ESR1: variants seen among roughly 807,000 people sequenced by gnomAD.
ESR1 encodes the protein estrogen receptor 1.
A neutral mutation model predicts 52.7 loss-of-function variants in ESR1; 12 were observed. The ratio of observed to expected loss-of-function variants is 0.23; its 90% confidence interval spans 0.15 to 0.37. ESR1 has a LOEUF of 0.37. ESR1 is among the 10% of genes least tolerant of loss of function. The probability of loss-of-function intolerance (pLI) is 1.00; values close to 1 mark genes in which losing one functional copy is unlikely to be tolerated. For missense variants in ESR1, 584 were observed against 779.7 expected, an observed-to-expected ratio of 0.75 and a Z score of 2.99; for synonymous variants, 305 against 316.8, an observed-to-expected ratio of 0.96 and a Z score of 0.39.
At chr6:151,760,785 T>G (rs757109332) in intron 2 of ESR1, among the ~76,000 whole-genome samples, 2 of 152,228 alleles carry the variant, frequency 1.3e-5, no homozygotes, top group African/African-American at 2.4e-5. Context: ...GGAGGCTATG[T>G]GTGAAGCTGC....
intron 1 of ESR1, among the ~76,000 whole-genome samples, chr6:151,818,265 A>G (rs776773596): frequency 2.0e-5 from 3 of 152,134 alleles, no homozygotes; most frequent in Non-Finnish European, 2.9e-5. Context: ...TCAAAATCTC[A>G]GAGATATGTA....
rs576503261 is a variant in ESR1 at position 151,789,541 on chromosome 6, T to C, written c.-70-18302T>C. ...GGGTGAATGATAGACGCAAATTCCT[T>C]GAAGGAATAGAAATGTGACTACTAT... On this transcript the variant is annotated intron_variant, in intron 2 of 2. Coordinates refer to the ESR1 transcript ENST00000404742. Among the ~76,000 whole-genome samples the C allele has an allele frequency of 3.3e-5, 5 of 152,264 alleles. No homozygotes were observed. The East Asian group carries it at 9.6e-4, about 29-fold the overall frequency.
intron 1 of ESR1, among the ~76,000 whole-genome samples, chr6:151,672,981 A>C (rs1778125880): frequency 6.6e-6 from 1 of 151,402 alleles, no homozygotes; most frequent in Non-Finnish European, 1.5e-5. Context: ...GGCCCCCGCC[A>C]CCACGCCCAG....
chr6:151,881,622 G>A (rs1792927985), intron 3 of ESR1, among the ~76,000 whole-genome samples: 1 of 152,094 alleles, frequency 6.6e-6, no homozygotes, highest in Non-Finnish European at 1.5e-5. Context: ...AGTAGAAAAT[G>A]TGTAATTAAA....
At chr6:151,970,740 C>G (rs376198589) in intron 4 of ESR1, among the ~76,000 whole-genome samples, 1 of 152,192 alleles carries the variant, frequency 6.6e-6, no homozygotes, top group Non-Finnish European at 1.5e-5. Flanking sequence ...TTATTCTCCT[C>G]GCTCTCTCTA....
At chr6:151,878,792 T>C (rs931990996) in intron 2 of ESR1, among the ~76,000 whole-genome samples, 6 of 152,216 alleles carry the variant, frequency 3.9e-5, no homozygotes, top group Non-Finnish European at 7.3e-5. Flanking sequence ...TTTAGACTTA[T>C]GCAGACAGAC....
At chr6:151,680,187 T>G (rs922850326) in intron 1 of ESR1, among the ~76,000 whole-genome samples, 4 of 149,054 alleles carry the variant, frequency 2.7e-5, no homozygotes, top group African/African-American at 7.5e-5. Flanking sequence ...ACAGCCACCT[T>G]GCTTTTTTTC....
At position 151,885,022 on chromosome 6, in the gene ESR1, C is replaced by T. The variant is rs141832847; in HGVS notation, c.760+4251C>T. On this transcript the variant is annotated intron_variant, in intron 3 of 7. Transcript: ENST00000206249. ...ATGGTCCATAAACTCCATGATGGCGCGGGGGTGGGGGGTCTCTGTGTCTTG... is the reference window on the plus strand; with the variant it reads ...ATGGTCCATAAACTCCATGATGGCGTGGGGGTGGGGGGTCTCTGTGTCTTG... 5.6e-3 allele frequency among the ~76,000 whole-genome samples: 830 copies of T among 148,654 alleles called. 5 individuals carry two copies. The highest frequency in any genetic ancestry group is 9.4e-3 in the Non-Finnish European group (631 of 67,440).
intron 4 of ESR1, among the ~76,000 whole-genome samples, chr6:152,008,035 T>A (rs1295368823): frequency 1.3e-5 from 2 of 152,130 alleles, no homozygotes; most frequent in African/African-American, 2.4e-5. Context: ...TAATTTTGCA[T>A]GTGGTTTATT....
intron 1 of ESR1, among the ~76,000 whole-genome samples, chr6:151,820,978 C>A (rs1780469541): frequency 6.6e-6 from 1 of 152,068 alleles, no homozygotes; most frequent in African/African-American, 2.4e-5. Context: ...CAAATAACAT[C>A]ATAAAATCAT....
At chr6:151,859,667 T>G (rs1788525616) in intron 2 of ESR1, among the ~76,000 whole-genome samples, 1 of 152,226 alleles carries the variant, frequency 6.6e-6, no homozygotes, top group African/African-American at 2.4e-5. Context: ...CTGCCAGGGT[T>G]GACTTCCTGT....
chr6:151,752,859 A>C (rs1364503265), intron 2 of ESR1, among the ~76,000 whole-genome samples: 1 of 152,206 alleles, frequency 6.6e-6, no homozygotes, highest in Non-Finnish European at 1.5e-5. Context: ...TTTGTTAAGC[A>C]ATTTCCAGAA....
At chr6:151,925,630 C>T (rs1461513666) in intron 3 of ESR1, among the ~76,000 whole-genome samples, 2 of 152,028 alleles carry the variant, frequency 1.3e-5, no homozygotes, top group East Asian at 1.9e-4. Context: ...TACATACATA[C>T]GTACATACAT....
At chr6:151,844,791 A>G (rs1784849142) in intron 2 of ESR1, among the ~76,000 whole-genome samples, 2 of 152,186 alleles carry the variant, frequency 1.3e-5, no homozygotes, top group Admixed American at 6.5e-5. Context: ...ACCTGATTAG[A>G]TGTTCCGAGA....
intron 3 of ESR1, among the ~76,000 whole-genome samples, chr6:151,917,090 T>C (rs1477332421): frequency 6.6e-6 from 1 of 152,136 alleles, no homozygotes; most frequent in Non-Finnish European, 1.5e-5. Context: ...GGAAGACTCC[T>C]CCATGACCAA....
intron 3 of ESR1, among the ~76,000 whole-genome samples, chr6:151,919,405 A>G (rs2031113580): frequency 6.6e-6 from 1 of 152,214 alleles, no homozygotes; most frequent in Non-Finnish European, 1.5e-5. Flanking sequence ...AATTTTTGGA[A>G]TCAAGTAATT....
At chr6:152,045,648 C>T (rs1018431647) in intron 5 of ESR1, among the ~76,000 whole-genome samples, 2 of 151,990 alleles carry the variant, frequency 1.3e-5, no homozygotes, top group African/African-American at 4.8e-5. Flanking sequence ...ATATCTAGTA[C>T]CAAGACTATG....
intron 1 of ESR1, among the ~76,000 whole-genome samples, chr6:151,678,249 G>C (rs1778321677): frequency 6.6e-6 from 1 of 152,054 alleles, no homozygotes; most frequent in Admixed American, 6.6e-5. Flanking sequence ...GAGGCAGGTG[G>C]ATCACTTGAG....
chr6:151,723,362 A>C (rs981477727), intron 2 of ESR1, among the ~76,000 whole-genome samples: 3 of 152,202 alleles, frequency 2.0e-5, no homozygotes, highest in Admixed American at 6.5e-5. Flanking sequence ...CCACTCCTCC[A>C]AACTCCTGCG....
Sources: gnomAD v4.1 joint callset for allele counts (sites outside exome capture counted in the v4.1 genomes callset) on GRCh38, gnomAD v4.1.1 for gene constraint, MANE v1.5 for transcripts, NCBI Gene and HGNC (gene_info 2026-07-23, HGNC 2026-07-21) for gene names.